The following SDK1 variants were observed in gnomAD, a reference collection of about 807,000 sequenced individuals.
SDK1 encodes sidekick cell adhesion molecule 1.
A neutral mutation model predicts 245.5 loss-of-function variants in SDK1; 157 were observed. The observed-to-expected ratio is 0.64, with a 90% CI of 0.56 to 0.73. SDK1 has a LOEUF of 0.73. Ranked by LOEUF, SDK1 falls within the 30% of genes least tolerant of loss-of-function variation. The pLI, the probability that SDK1 is intolerant of heterozygous loss-of-function variation, is 0.00. For synonymous variants in SDK1, 1,647 were observed against 1,278.5 expected (o/e 1.29, Z -6.15); for missense variants, 3,583 against 3,002.3 (o/e 1.19, Z -4.52).
chr7:3,818,990 C>T (rs1207264354), intron 4 of SDK1, among the ~76,000 whole-genome samples: 1 of 152,118 alleles, frequency 6.6e-6, no homozygotes, highest in African/African-American at 2.4e-5. Flanking sequence ...AGGATGGGCA[C>T]ACGATACTTG....
intron 1 of SDK1, among the ~76,000 whole-genome samples, chr7:3,570,865 A>G (rs533063716): frequency 6.6e-6 from 1 of 152,264 alleles, no homozygotes; most frequent in African/African-American, 2.4e-5. Context: ...CTTAGAATTT[A>G]TTATAATCAC....
At chr7:3,314,224 G>C (rs1252107704) in intron 1 of SDK1, among the ~76,000 whole-genome samples, 12 of 152,186 alleles carry the variant, frequency 7.9e-5, no homozygotes, top group Admixed American at 3.3e-4. Context: ...GAAATACAAA[G>C]ATGAAGGATT....
chr7:3,501,398 G>C (rs903871406), intron 1 of SDK1, among the ~76,000 whole-genome samples: 1 of 151,766 alleles, frequency 6.6e-6, no homozygotes, highest in African/African-American at 2.4e-5. Context: ...AACTGATCAG[G>C]ACAGTTTCAA....
rs115390062 is a variant in SDK1 at position 3,896,145 on chromosome 7, G to C, written c.848-54778G>C. On this transcript the variant is annotated intron_variant, in intron 5 of 44. Transcript: ENST00000404826. ...GTTTACTGATTTTCTAAGTTTTAAAGACATTTTAAAAAATGAAAAACGAAA... is the reference window on the plus strand; with the variant it reads ...GTTTACTGATTTTCTAAGTTTTAAACACATTTTAAAAAATGAAAAACGAAA... 5.7e-3 allele frequency among the ~76,000 whole-genome samples: 870 copies of C among 152,204 alleles called. 12 individuals are homozygous for C. Among genetic ancestry groups the C allele is most frequent in the African/African-American group, 0.02 (827 of 41,534 alleles).
chr7:3,601,907 T>C (rs1781266052), intron 1 of SDK1, among the ~76,000 whole-genome samples: 1 of 147,742 alleles, frequency 6.8e-6, no homozygotes, highest in Non-Finnish European at 1.5e-5. Flanking sequence ...AATTCCCACC[T>C]ATGAATGAGA....
chr7:3,975,357 C>T (rs564167495), intron 13 of SDK1, among the ~76,000 whole-genome samples: 11 of 152,314 alleles, frequency 7.2e-5, no homozygotes, highest in African/African-American at 1.4e-4. Context: ...CCAGCGCATC[C>T]GTCCCTGGTC....
chr7:3,391,644 T>G (rs965072373), intron 1 of SDK1, among the ~76,000 whole-genome samples: 2 of 150,876 alleles, frequency 1.3e-5, no homozygotes, highest in African/African-American at 4.9e-5. Flanking sequence ...GATTTTTTTT[T>G]TTTTTTTTTT....
chr7:4,018,331 C>T (rs1786587476), intron 17 of SDK1, among the ~76,000 whole-genome samples: 1 of 152,200 alleles, frequency 6.6e-6, no homozygotes, highest in Admixed American at 6.5e-5. Context: ...CTTGATATTA[C>T]ATGCTTTTAT....
rs144290022 is a variant in SDK1, at chr7:3,378,071, G to A, written c.298+76187G>A. On this transcript the variant is annotated intron_variant, in intron 1 of 44. Coordinates refer to ENST00000404826, the MANE Select transcript of SDK1 (RefSeq NM_152744.4). ...TGGGATTACAGGCATGAACCACTGC[G>A]CCGGCCCCCAAACTCTATTTTTAAA... Among the ~76,000 whole-genome samples the A allele has an allele frequency of 1.2e-4, 19 of 152,234 alleles. No homozygotes were observed. In the East Asian group the frequency reaches 3.1e-3, roughly 25 times the overall value.
chr7:3,337,372 A>G (rs753297629), intron 1 of SDK1, among the ~76,000 whole-genome samples: 26 of 151,996 alleles, frequency 1.7e-4, no homozygotes, highest in Admixed American at 3.3e-4. Flanking sequence ...ATAGACTGGA[A>G]AAAAAAAGTC....
At chr7:3,424,858 C>T (rs1016890178) in intron 1 of SDK1, among the ~76,000 whole-genome samples, 2 of 152,182 alleles carry the variant, frequency 1.3e-5, no homozygotes, top group African/African-American at 2.4e-5. Context: ...GATAGCACTA[C>T]TGCACTCCAG....
rs115677879 is a variant in SDK1, at chr7:4,065,158, C to T, written c.2912-2680C>T. Among the ~76,000 whole-genome samples the T allele has an allele frequency of 8.5e-3, 1,290 of 152,206 alleles. 16 individuals carry two copies. The highest frequency in any genetic ancestry group is 0.029 in the South Asian group (137 of 4,800). On this transcript the variant is annotated intron_variant, in intron 19 of 44. Transcript: ENST00000404826. Reference sequence around the variant, plus strand: ...TACACAGTCAGTGCCTGTAACAAAACGTCACCTGTACCATAGAAATGTGTA... The same window carrying T: ...TACACAGTCAGTGCCTGTAACAAAATGTCACCTGTACCATAGAAATGTGTA...
intron 4 of SDK1, among the ~76,000 whole-genome samples, chr7:3,737,277 G>C (rs942641421): frequency 6.6e-6 from 1 of 152,214 alleles, no homozygotes; most frequent in Non-Finnish European, 1.5e-5. Flanking sequence ...TGGTCAATGG[G>C]GTTGCTGGTT....
intron 1 of SDK1, among the ~76,000 whole-genome samples, chr7:3,311,055 C>A (rs940499690): frequency 6.6e-6 from 1 of 151,920 alleles, no homozygotes; most frequent in African/African-American, 2.4e-5. Flanking sequence ...CTTTTCTTTT[C>A]CTGTAATATT....
intron 35 of SDK1, among the ~76,000 whole-genome samples, chr7:4,192,655 G>A (rs1277783030): frequency 2.6e-5 from 4 of 152,112 alleles, no homozygotes; most frequent in Non-Finnish European, 5.9e-5. Flanking sequence ...TGGTATCGTA[G>A]AAGCATAGCT....
intron 32 of SDK1, among the ~76,000 whole-genome samples, chr7:4,167,421 A>AGAG (rs1366681433): frequency 2.4e-5 from 3 of 126,430 alleles, no homozygotes; most frequent in Non-Finnish European, 4.8e-5. Flanking sequence ...AAAAACAACA[A>AGAG]CAGCAACAAA....
intron 19 of SDK1, among the ~76,000 whole-genome samples, chr7:4,063,018 T>C (rs1562751223): frequency 6.6e-6 from 1 of 152,210 alleles, no homozygotes; most frequent in Non-Finnish European, 1.5e-5. Context: ...GGGGAAAAGC[T>C]GAAATCCTTT....
chr7:4,006,761 G>A (rs10447643), intron 14 of SDK1, among the ~76,000 whole-genome samples: 31,383 of 152,210 alleles, frequency 0.21, 3,505 homozygotes, highest in Non-Finnish European at 0.26. Flanking sequence ...GGCAGGCCCC[G>A]AGATGCAGAG....
chr7:4,204,303 T>A (rs1419842875), intron 35 of SDK1, among the ~76,000 whole-genome samples: 1 of 152,338 alleles, frequency 6.6e-6, no homozygotes, highest in East Asian at 1.9e-4. Context: ...AATTGTTTTT[T>A]TGTGTGATTC....
Sources: gnomAD v4.1 joint callset for allele counts (sites outside exome capture counted in the v4.1 genomes callset) on GRCh38, gnomAD v4.1.1 for gene constraint, MANE v1.5 for transcripts, NCBI Gene and HGNC (gene_info 2026-07-23, HGNC 2026-07-21) for gene names.